SLC22A23: variants seen among roughly 807,000 people sequenced by gnomAD.
The protein encoded by SLC22A23 is solute carrier family 22 member 23, also known as ion transporter protein.
A neutral mutation model predicts 61.0 loss-of-function variants in SLC22A23; 26 were observed. The observed-to-expected ratio is 0.43, with a 90% CI of 0.31 to 0.59. SLC22A23 has a LOEUF of 0.59. SLC22A23 is among the 20% of genes least tolerant of loss of function. SLC22A23 has a pLI of 0.11. For synonymous variants in SLC22A23, 430 were observed against 413.9 expected (o/e 1.04, Z -0.47); for missense variants, 796 against 934.7 (o/e 0.85, Z 1.94).
intron 1 of SLC22A23, among the ~76,000 whole-genome samples, chr6:3,443,801 G>A (rs1474694186): frequency 6.6e-6 from 1 of 152,188 alleles, no homozygotes; most frequent in East Asian, 1.9e-4. Flanking sequence ...ACAGAGAGAT[G>A]CTGACCTCTG....
intron 4 of SLC22A23, among the ~76,000 whole-genome samples, chr6:3,305,270 C>G (rs1475979296): frequency 6.6e-6 from 1 of 152,194 alleles, no homozygotes; most frequent in Non-Finnish European, 1.5e-5. Context: ...GATCTGAACC[C>G]AGGCAGTCTG....
At chr6:3,368,004 A>C (rs1315444601) in intron 3 of SLC22A23, among the ~76,000 whole-genome samples, 1 of 152,200 alleles carries the variant, frequency 6.6e-6, no homozygotes, top group Non-Finnish European at 1.5e-5. Flanking sequence ...CGAGAGACCC[A>C]GCACCCATCA....
chr6:3,427,941 G>A lies in SLC22A23; in HGVS notation c.655-12086C>T, dbSNP rs949263438. On this transcript the variant is annotated intron_variant, in intron 1 of 9. Coordinates refer to ENST00000406686, the MANE Select transcript of SLC22A23 (RefSeq NM_015482.2). This position sits in a 1 kb window ranked among gnomAD's most constrained non-coding sequence, Gnocchi z 4.3. ...GAAGGTCGGCTGCACCCGAGGTGGG[G>A]TGAGCCAGGAAGGCTCCCGACCTTC... 6.6e-6 allele frequency among the ~76,000 whole-genome samples: 1 copy of A among 152,220 alleles called. No homozygotes were observed. The highest frequency in any genetic ancestry group is 1.5e-5 in the Non-Finnish European group (1 of 68,046).
intron 1 of SLC22A23, among the ~76,000 whole-genome samples, chr6:3,434,709 GC>G (rs1771092195): frequency 6.6e-6 from 1 of 152,178 alleles, no homozygotes; most frequent in Non-Finnish European, 1.5e-5. Context: ...TCCTCCAACA[GC>G]ACAAGGTCAG....
chr6:3,417,025 GGCACTGTAA>G (rs1183309171), intron 1 of SLC22A23, among the ~76,000 whole-genome samples: 2 of 152,118 alleles, frequency 1.3e-5, no homozygotes, highest in African/African-American at 4.8e-5. Context: ...ATCCTTAGAG[GGCACTGTAA>G]GCTCAGGTCC....
intron 1 of SLC22A23, among the ~76,000 whole-genome samples, chr6:3,435,475 C>T (rs1479730639): frequency 6.6e-6 from 1 of 152,124 alleles, no homozygotes; most frequent in African/African-American, 2.4e-5. Flanking sequence ...TGGGACCTGC[C>T]CTTCCCTCTA....
intron 4 of SLC22A23, among the ~76,000 whole-genome samples, chr6:3,306,381 C>A (rs1156448424): frequency 6.6e-6 from 1 of 152,216 alleles, no homozygotes; most frequent in Non-Finnish European, 1.5e-5. Context: ...TTGGTTCATG[C>A]AGCAAAGGGC....
At position 3,286,837 on chromosome 6, in the gene SLC22A23, C is replaced by A. The variant is rs1441256813; in HGVS notation, c.1546+22G>T. The A allele has an allele frequency of 6.4e-7, 1 of 1,562,628 alleles. No individual in the cohort carries two copies. The highest frequency in any genetic ancestry group is 8.7e-7 in the Non-Finnish European group (1 of 1,152,152). ...TGCCAGCTTCCCTCCCTGCACCCAG[C>A]CCACCTCCCCGACCCACTCACGGTT... On this transcript the variant is annotated intron_variant, in intron 7 of 9. Transcript: ENST00000406686. The surrounding 1 kb of genome is among the most constrained non-coding windows in gnomAD (Gnocchi z 4.2).
intron 9 of SLC22A23, 41 bp downstream of exon 9, chr6:3,283,810 TC>T: frequency 6.2e-7 from 1 of 1,611,082 alleles, no homozygotes; most frequent in Non-Finnish European, 8.5e-7. Context: ...GTCTTTGATT[TC>T]CGAGAAGCCG....
chr6:3,326,023 T>C (rs9501986), intron 3 of SLC22A23, among the ~76,000 whole-genome samples: 38,414 of 152,168 alleles, frequency 0.25, 5,982 homozygotes, highest in African/African-American at 0.44. Context: ...TACCAGAGTC[T>C]CCCTTTGGGA....
intron 5 of SLC22A23, among the ~76,000 whole-genome samples, chr6:3,294,639 A>C (rs897480262): frequency 6.6e-6 from 1 of 152,024 alleles, no homozygotes; most frequent in Non-Finnish European, 1.5e-5. Context: ...CGGGCCTTCT[A>C]CTCCTGCTTT....
At chr6:3,316,007 G>C (rs925549717) in intron 4 of SLC22A23, among the ~76,000 whole-genome samples, 1 of 152,282 alleles carries the variant, frequency 6.6e-6, no homozygotes, top group African/African-American at 2.4e-5. Context: ...GCTCAGCGGC[G>C]TCTCAGGAGG....
intron 3 of SLC22A23, among the ~76,000 whole-genome samples, chr6:3,375,366 T>G (rs2127467949): frequency 6.6e-6 from 1 of 152,336 alleles, no homozygotes; most frequent in Non-Finnish European, 1.5e-5. Flanking sequence ...CAACATTCAG[T>G]GTTTTGAAAT....
At chr6:3,288,111 G>A (rs1215620874) in intron 6 of SLC22A23, among the ~76,000 whole-genome samples, 7 of 152,312 alleles carry the variant, frequency 4.6e-5, no homozygotes, top group Middle Eastern at 3.4e-3. Flanking sequence ...GAACAAAGGC[G>A]TGGCTGCACC....
At chr6:3,434,644 G>C (rs1210689837) in intron 1 of SLC22A23, among the ~76,000 whole-genome samples, 1 of 152,048 alleles carries the variant, frequency 6.6e-6, no homozygotes, top group African/African-American at 2.4e-5. Context: ...TTTAAAATGG[G>C]TCCAAAGACA....
At chr6:3,299,502 C>T (rs1761425442) in intron 4 of SLC22A23, among the ~76,000 whole-genome samples, 1 of 152,174 alleles carries the variant, frequency 6.6e-6, no homozygotes, top group Non-Finnish European at 1.5e-5. Context: ...GCGACAGAAT[C>T]TTTTTCTTTT....
chr6:3,323,077 C>T lies in SLC22A23; in HGVS notation c.1082+757G>A, dbSNP rs138736555. 3.2e-3 allele frequency among the ~76,000 whole-genome samples: 484 copies of T among 152,182 alleles called. 2 individuals carry two copies. The highest frequency in any genetic ancestry group is 0.011 in the African/African-American group (442 of 41,496). On this transcript the variant is annotated intron_variant, in intron 4 of 9. Coordinates refer to ENST00000406686, the MANE Select transcript of SLC22A23 (RefSeq NM_015482.2). ...AGAGTTTTTTAAAAAACCCAGTTGCCCAGGTCAAACCCCCTTTACCAGTGT... is the reference window on the plus strand; with the variant it reads ...AGAGTTTTTTAAAAAACCCAGTTGCTCAGGTCAAACCCCCTTTACCAGTGT...
chr6:3,432,314 G>A lies in SLC22A23; in HGVS notation c.655-16459C>T, dbSNP rs1012900682. 4 of 985,340 alleles carry A rather than the reference G, an allele frequency of 4.1e-6. No individual in the cohort carries two copies. The African/African-American group carries it at 7.0e-5, about 17-fold the overall frequency. The allele number at this position is 985,340 out of a possible 1,614,324, so 61.0% of individuals were successfully genotyped here. A position where few individuals can be genotyped will look rare whatever the true frequency, so the allele number is the denominator to read the frequency against. On this transcript the variant is annotated intron_variant, in intron 1 of 9. Coordinates refer to ENST00000406686, the MANE Select transcript of SLC22A23 (RefSeq NM_015482.2). ...ACAATCACTCAGGCTTTGAGGGTAG[G>A]CTGGCTGTGAGACTTTGAAGAAGCC...
intron 3 of SLC22A23, among the ~76,000 whole-genome samples, chr6:3,353,476 G>A (rs1188058748): frequency 6.6e-6 from 1 of 152,216 alleles, no homozygotes; most frequent in African/African-American, 2.4e-5. Flanking sequence ...GGGAAATGCC[G>A]TGACCCTCAT....
Sources: allele counts gnomAD v4.1 joint callset (sites outside exome capture counted in the v4.1 genomes callset), GRCh38; gene constraint gnomAD v4.1.1; non-coding constraint Gnocchi (gnomAD v3.1); transcripts MANE v1.5; gene names NCBI Gene and HGNC (gene_info 2026-07-23, HGNC 2026-07-21).